The following CHSY3 variants were observed in gnomAD, a reference collection of about 807,000 sequenced individuals.
CHSY3 encodes the protein chondroitin sulfate synthase 3, also known as N-acetylgalactosaminyl-proteoglycan 3-beta-glucuronosyltransferase 3.
A neutral mutation model predicts 67.2 loss-of-function variants in CHSY3; 35 were observed. The ratio of observed to expected loss-of-function variants is 0.52; its 90% confidence interval spans 0.40 to 0.69. CHSY3 has a LOEUF of 0.69. Ranked by LOEUF, CHSY3 falls within the 30% of genes least tolerant of loss-of-function variation. The probability of loss-of-function intolerance (pLI) is 0.00; values close to 1 mark genes in which losing one functional copy is unlikely to be tolerated. For missense variants in CHSY3, 1,069 were observed against 1,138.5 expected, an observed-to-expected ratio of 0.94 and a Z score of 0.88; for synonymous variants, 474 against 434.7, an observed-to-expected ratio of 1.09 and a Z score of -1.12.
chr5:130,077,508 A>T (rs1359110678), intron 2 of CHSY3, among the ~76,000 whole-genome samples: 1 of 152,132 alleles, frequency 6.6e-6, no homozygotes, highest in African/African-American at 2.4e-5. Context: ...TTGGACCGCT[A>T]ATATCCATAT....
intron 2 of CHSY3, among the ~76,000 whole-genome samples, chr5:130,079,425 G>C (rs543431563): frequency 6.6e-6 from 1 of 152,106 alleles, no homozygotes; most frequent in African/African-American, 2.4e-5. Context: ...TTTAACATTG[G>C]GATAAACTTC....
chr5:130,153,717 G>C (rs1769294217), intron 2 of CHSY3, among the ~76,000 whole-genome samples: 1 of 152,124 alleles, frequency 6.6e-6, no homozygotes, highest in African/African-American at 2.4e-5. Context: ...CCAAGCCTCT[G>C]TTGGGTCAAA....
chr5:130,152,200 G>A (rs1030065840), intron 2 of CHSY3, among the ~76,000 whole-genome samples: 6 of 152,166 alleles, frequency 3.9e-5, no homozygotes, highest in East Asian at 1.9e-4. Flanking sequence ...CAGCATTAAC[G>A]TTTAATATTT....
intron 1 of CHSY3, chr5:129,905,980 T>G: frequency 3.5e-6 from 1 of 288,748 alleles, no homozygotes; most frequent in Non-Finnish European, 6.4e-6. Context: ...TGCCCTCCTC[T>G]GAAAGCCCCT....
intron 2 of CHSY3, among the ~76,000 whole-genome samples, chr5:130,046,466 A>G (rs973054366): frequency 6.6e-6 from 1 of 152,160 alleles, no homozygotes; most frequent in African/African-American, 2.4e-5. Flanking sequence ...TTTGTAGGCT[A>G]ATGGATTTCA....
intron 2 of CHSY3, among the ~76,000 whole-genome samples, chr5:130,179,922 G>T (rs548177729): frequency 1.3e-5 from 2 of 152,280 alleles, no homozygotes; most frequent in South Asian, 4.1e-4. Flanking sequence ...TGCTGCTTCA[G>T]ATTAAACGTG....
intron 2 of CHSY3, among the ~76,000 whole-genome samples, chr5:130,102,425 T>G (rs1767276054): frequency 6.6e-6 from 1 of 152,080 alleles, no homozygotes; most frequent in South Asian, 2.1e-4. Context: ...TCAATGTAAT[T>G]TGAAAACCTT....
chr5:129,952,940 G>A (rs576329691), intron 2 of CHSY3, among the ~76,000 whole-genome samples: 7 of 152,176 alleles, frequency 4.6e-5, no homozygotes, highest in Non-Finnish European at 8.8e-5. Flanking sequence ...TTCAGTACAC[G>A]AACAAATAAG....
intron 2 of CHSY3, among the ~76,000 whole-genome samples, chr5:130,108,787 A>C (rs915460846): frequency 3.3e-5 from 5 of 151,750 alleles, no homozygotes; most frequent in African/African-American, 1.2e-4. Flanking sequence ...AGATGCACAA[A>C]TGGAAACAAT....
intron 2 of CHSY3, among the ~76,000 whole-genome samples, chr5:129,977,251 A>G (rs1024324059): frequency 3.9e-5 from 6 of 152,198 alleles, no homozygotes; most frequent in Non-Finnish European, 8.8e-5. Context: ...CTGGCTCCCA[A>G]GGACAAAATG....
At chr5:129,912,586 T>C (rs943486824) in intron 2 of CHSY3, among the ~76,000 whole-genome samples, 1 of 152,204 alleles carries the variant, frequency 6.6e-6, no homozygotes, top group South Asian at 2.1e-4. Flanking sequence ...CGCTTGGTGA[T>C]AGATAAAATA....
At chr5:130,046,602 C>T (rs963654271) in intron 2 of CHSY3, among the ~76,000 whole-genome samples, 32 of 151,982 alleles carry the variant, frequency 2.1e-4, no homozygotes, top group African/African-American at 7.2e-4. Context: ...AATGAGCTGA[C>T]GATCTTGTAA....
intron 2 of CHSY3, among the ~76,000 whole-genome samples, chr5:130,145,418 T>C (rs1294689904): frequency 6.6e-6 from 1 of 152,160 alleles, no homozygotes; most frequent in Non-Finnish European, 1.5e-5. Flanking sequence ...GCTACACCAC[T>C]ACCTCTCACC....
chr5:130,068,684 A>G (rs1357913144), intron 2 of CHSY3, among the ~76,000 whole-genome samples: 2 of 152,166 alleles, frequency 1.3e-5, no homozygotes, highest in East Asian at 3.9e-4. Flanking sequence ...ACACCATTTT[A>G]AATGGTATGA....
intron 2 of CHSY3, among the ~76,000 whole-genome samples, chr5:130,178,253 A>ATATATATATATATT (rs1205782386): frequency 8.9e-4 from 41 of 45,902 alleles, no homozygotes; most frequent in Non-Finnish European, 1.3e-3. Flanking sequence ...ATATATATAT[A>ATATATATATATATT]TTTTTTTTTT....
Position 129,997,677 on chromosome 5 carries a change from G to A in CHSY3, c.1086+89317G>A, listed in dbSNP as rs561136699. Reference sequence around the variant, plus strand: ...CCCTCAGCCTCCCACCCCCCAACAGGCCCCAGTGTGTGATGTTTCCCGCCC... The same window carrying A: ...CCCTCAGCCTCCCACCCCCCAACAGACCCCAGTGTGTGATGTTTCCCGCCC... On this transcript the variant is annotated intron_variant, in intron 2 of 2. Transcript: ENST00000305031. 8.6e-5 allele frequency among the ~76,000 whole-genome samples: 13 copies of A among 151,968 alleles called. No homozygotes were observed. In the South Asian group the frequency reaches 2.1e-3, roughly 24 times the overall value.
chr5:130,001,243 G>A (rs1763719977), intron 2 of CHSY3, among the ~76,000 whole-genome samples: 2 of 152,122 alleles, frequency 1.3e-5, no homozygotes, highest in Admixed American at 1.3e-4. Flanking sequence ...CAGTGCTCAG[G>A]TTACCTGGAG....
chr5:130,020,109 A>G (rs1335947890), intron 2 of CHSY3, among the ~76,000 whole-genome samples: 1 of 151,782 alleles, frequency 6.6e-6, no homozygotes, highest in Non-Finnish European at 1.5e-5. Flanking sequence ...CAACCCTCCT[A>G]TTTCTCAGGT....
chr5:130,085,341 T>C (rs148196653), intron 2 of CHSY3, among the ~76,000 whole-genome samples: 232 of 152,128 alleles, frequency 1.5e-3, no homozygotes, highest in African/African-American at 5.3e-3. Flanking sequence ...ATATTACAAA[T>C]AGGTAAAGAT....
Sources: gnomAD v4.1 joint callset for allele counts (sites outside exome capture counted in the v4.1 genomes callset) on GRCh38, gnomAD v4.1.1 for gene constraint, MANE v1.5 for transcripts, NCBI Gene and HGNC (gene_info 2026-07-23, HGNC 2026-07-21) for gene names.